The following DOCK7 variants were observed in gnomAD, a reference collection of about 807,000 sequenced individuals.
The protein encoded by DOCK7 is dedicator of cytokinesis protein 7.
DOCK7 carries 138 observed loss-of-function variants against 271.0 expected under a neutral mutation model. The observed-to-expected ratio is 0.51, with a 90% CI of 0.44 to 0.59. The LOEUF is 0.59. DOCK7 is among the 20% of genes least tolerant of loss of function. The pLI, the probability that DOCK7 is intolerant of heterozygous loss-of-function variation, is 0.00. For missense variants in DOCK7, 2,066 were observed against 2,592.4 expected (o/e 0.80, Z 4.41); for synonymous variants, 823 against 876.1 (o/e 0.94, Z 1.07).
At chr1:62,659,370 C>A (rs1658403587) in intron 2 of DOCK7, among the ~76,000 whole-genome samples, 1 of 151,970 alleles carries the variant, frequency 6.6e-6, no homozygotes, top group Non-Finnish European at 1.5e-5. Flanking sequence ...TAACACAATA[C>A]CTTGTGCAGC....
At chr1:62,606,449 TA>T (rs1010834067) in intron 14 of DOCK7, among the ~76,000 whole-genome samples, 3 of 152,118 alleles carry the variant, frequency 2.0e-5, no homozygotes, top group Non-Finnish European at 2.9e-5. Flanking sequence ...AGGAGCTCTT[TA>T]TGGTTCACAC....
intron 43 of DOCK7, chr1:62,483,334 A>C (rs1419629776): frequency 2.0e-5 from 3 of 151,370 alleles, no homozygotes; most frequent in African/African-American, 7.3e-5. Context: ...CTGGGCTTTC[A>C]TATCTTTCTT....
intron 48 of DOCK7, among the ~76,000 whole-genome samples, chr1:62,461,366 T>C (rs144085556): frequency 1.5e-4 from 23 of 152,072 alleles, no homozygotes; most frequent in Non-Finnish European, 2.6e-4. Context: ...CTGGTAAAAT[T>C]CTCATGTAAA....
At chr1:62,581,763 G>A (rs1245616992) in intron 16 of DOCK7, among the ~76,000 whole-genome samples, 1 of 151,822 alleles carries the variant, frequency 6.6e-6, no homozygotes, top group Non-Finnish European at 1.5e-5. Flanking sequence ...AAAAAAAGAA[G>A]TGTTCAAAGA....
chr1:62,518,866 A>G (rs1644757166), intron 31 of DOCK7, among the ~76,000 whole-genome samples: 1 of 152,206 alleles, frequency 6.6e-6, no homozygotes, highest in African/African-American at 2.4e-5. Flanking sequence ...ATGTAAATGG[A>G]TTAGAAACTC....
intron 1 of DOCK7, among the ~76,000 whole-genome samples, chr1:62,678,460 G>A (rs1302593366): frequency 6.6e-6 from 1 of 152,122 alleles, no homozygotes; most frequent in Non-Finnish European, 1.5e-5. Flanking sequence ...GAACCTGACA[G>A]AGCAAATTAT....
At chr1:62,681,534 T>TAAAA (rs1661154220) in intron 1 of DOCK7, among the ~76,000 whole-genome samples, 1 of 11,026 alleles carries the variant, frequency 9.1e-5, no homozygotes, top group Non-Finnish European at 9.4e-4. Context: ...TAAAGTATAA[T>TAAAA]AAAAAATAAA....
At chr1:62,547,171 A>C (rs999622848) in intron 22 of DOCK7, among the ~76,000 whole-genome samples, 2 of 152,160 alleles carry the variant, frequency 1.3e-5, no homozygotes, top group African/African-American at 4.8e-5. Context: ...CACAATACTG[A>C]TGTTCTGAAC....
chr1:62,654,426 C>T (rs1396262998), intron 2 of DOCK7, among the ~76,000 whole-genome samples: 1 of 151,942 alleles, frequency 6.6e-6, no homozygotes. Context: ...TAAGAATTAA[C>T]AGTTTTATTC....
In DOCK7 at chr1:62,584,864, G is replaced by C. The variant is rs556533093; in HGVS notation, c.1801-1610C>G. 28 of 717,324 alleles carry C rather than the reference G, an allele frequency of 3.9e-5. No homozygotes were observed. In the Admixed American group the frequency reaches 5.0e-4, roughly 13 times the overall value. 44.4% of individuals were successfully genotyped at this position (717,324 alleles called of 1,614,324 possible). A position where few individuals can be genotyped will look rare whatever the true frequency, so the allele number is the denominator to read the frequency against. On this transcript the variant is annotated intron_variant, in intron 15 of 49. Coordinates refer to ENST00000635253, the MANE Select transcript of DOCK7 (RefSeq NM_001367561.1). ...GAGGTCTAACTGTCGGTATAGGATG[G>C]GTGCAGCTGGGGCTCTGTAGAGGAG...
chr1:62,597,972 CAAA>C, intron 14 of DOCK7: 1 of 1,557,418 alleles, frequency 6.4e-7, no homozygotes. Context: ...TCTACTTCAA[CAAA>C]AAGTGAAATA....
intron 48 of DOCK7, chr1:62,458,384 T>C (rs967207210): frequency 6.6e-6 from 1 of 152,154 alleles, no homozygotes; most frequent in African/African-American, 2.4e-5. Context: ...TTACTTCCAG[T>C]GTCATTAAAT....
At chr1:62,554,022 C>T (rs1015763800) in intron 21 of DOCK7, among the ~76,000 whole-genome samples, 14 of 152,044 alleles carry the variant, frequency 9.2e-5, no homozygotes, top group African/African-American at 3.1e-4. Context: ...TAAATTAAAC[C>T]GTGTTTTATT....
intron 13 of DOCK7, among the ~76,000 whole-genome samples, chr1:62,619,155 G>A (rs1424533465): frequency 6.6e-6 from 1 of 152,036 alleles, no homozygotes; most frequent in Non-Finnish European, 1.5e-5. Flanking sequence ...AAAAACCAGA[G>A]GGATCTGGCA....
In DOCK7 at chr1:62,584,798, T is replaced by A. The variant is rs750697588; in HGVS notation, c.1801-1544A>T. 13 of 744,546 alleles carry A rather than the reference T, an allele frequency of 1.7e-5. No individual in the cohort carries two copies. The highest frequency in any genetic ancestry group is 5.2e-5 in the African/African-American group (3 of 57,668). 46.1% of individuals were successfully genotyped at this position (744,546 alleles called of 1,614,324 possible). Reference sequence around the variant, plus strand: ...AGAATCATCAAGTGATAAAGTCCCATGAAAGAAGTGAGAAGATGCTATGGT... The same window carrying A: ...AGAATCATCAAGTGATAAAGTCCCAAGAAAGAAGTGAGAAGATGCTATGGT... On this transcript the variant is annotated intron_variant, in intron 15 of 49. Transcript: ENST00000635253.
chr1:62,655,168 C>A (rs1288668332), intron 2 of DOCK7, among the ~76,000 whole-genome samples: 1 of 152,092 alleles, frequency 6.6e-6, no homozygotes, highest in Non-Finnish European at 1.5e-5. Flanking sequence ...CATTCTTCAG[C>A]CAAGTTTTTA....
intron 7 of DOCK7, among the ~76,000 whole-genome samples, chr1:62,645,617 C>A (rs1246259681): frequency 6.6e-6 from 1 of 152,118 alleles, no homozygotes; most frequent in Non-Finnish European, 1.5e-5. Context: ...ATAATAGTTG[C>A]ACAAATCTAA....
intron 1 of DOCK7, among the ~76,000 whole-genome samples, chr1:62,685,378 C>G (rs930416346): frequency 2.6e-5 from 4 of 152,112 alleles, no homozygotes; most frequent in African/African-American, 9.7e-5. Flanking sequence ...CGAATTGATT[C>G]AGAAGTATTA....
intron 31 of DOCK7, among the ~76,000 whole-genome samples, chr1:62,523,287 C>T (rs1644905605): frequency 6.6e-6 from 1 of 152,044 alleles, no homozygotes; most frequent in African/African-American, 2.4e-5. Flanking sequence ...CATATACAGG[C>T]AGTATTTCAG....
Sources: gnomAD v4.1 joint callset for allele counts (sites outside exome capture counted in the v4.1 genomes callset) on GRCh38, gnomAD v4.1.1 for gene constraint, MANE v1.5 for transcripts, NCBI Gene and HGNC (gene_info 2026-07-23, HGNC 2026-07-21) for gene names.